LYPD6: variants seen among roughly 807,000 people sequenced by gnomAD.
LYPD6 encodes ly6/PLAUR domain-containing protein 6.
LYPD6 carries 15 observed loss-of-function variants against 22.7 expected under a neutral mutation model. The ratio of observed to expected loss-of-function variants is 0.66; its 90% CI spans 0.44 to 1.02. LYPD6 has a LOEUF of 1.02. Ranked by LOEUF, LYPD6 falls within the 50% of genes least tolerant of loss-of-function variation. The pLI is 0.00. For missense variants in LYPD6, 189 were observed against 208.4 expected, an observed-to-expected ratio of 0.91 and a Z score of 0.57; for synonymous variants, 72 against 77.5, an observed-to-expected ratio of 0.93 and a Z score of 0.37.
At chr2:149,423,688 A>G (rs1398137058) in intron 1 of LYPD6, among the ~76,000 whole-genome samples, 2 of 147,850 alleles carry the variant, frequency 1.4e-5, no homozygotes, top group African/African-American at 5.0e-5. Flanking sequence ...CACTTTGAAT[A>G]GGACATTGGT....
Position 149,340,651 on chromosome 2 carries a change from T to G in LYPD6, c.-72+9929T>G, listed in dbSNP as rs1573727940. The stretch of plus-strand genomic sequence containing the variant: ...CCCACTGGGCATCATTTGCTTCAGC[T>G]GTACAAATCAAAAGGCTTTACTAAA... On this transcript the variant is annotated intron_variant, in intron 1 of 4. Coordinates refer to ENST00000334166, the MANE Select transcript of LYPD6 (RefSeq NM_194317.5). 2.0e-5 allele frequency among the ~76,000 whole-genome samples: 3 copies of G among 152,196 alleles called. No individual in the cohort carries two copies. The South Asian group carries it at 6.2e-4, about 31-fold the overall frequency.
chr2:149,470,622 A>T, intron 4 of LYPD6, 61 bp from the exon 5 acceptor site: 1 of 1,521,596 alleles, frequency 6.6e-7, no homozygotes, highest in East Asian at 2.3e-5. Flanking sequence ...GCCTTCAAAA[A>T]CCCTGCCTCC....
intron 4 of LYPD6, among the ~76,000 whole-genome samples, chr2:149,470,438 G>T (rs1681306606): frequency 6.6e-6 from 1 of 152,170 alleles, no homozygotes; most frequent in South Asian, 2.1e-4. Context: ...AATCGTATGG[G>T]TGGAGGGTGT....
chr2:149,392,481 A>G (rs1375947800), intron 1 of LYPD6, among the ~76,000 whole-genome samples: 3 of 152,200 alleles, frequency 2.0e-5, no homozygotes, highest in Non-Finnish European at 4.4e-5. Flanking sequence ...AATGCTTGGC[A>G]TAACTCAGCT....
chr2:149,428,763 A>G (rs1683240447), intron 1 of LYPD6, among the ~76,000 whole-genome samples: 1 of 152,222 alleles, frequency 6.6e-6, no homozygotes, highest in Non-Finnish European at 1.5e-5. Flanking sequence ...ATGCATTGCG[A>G]ATGCCCCCTA....
Position 149,409,970 on chromosome 2 carries a change from G to A in LYPD6, c.-71-27668G>A, listed in dbSNP as rs566309604. Among the ~76,000 whole-genome samples, 33 of 152,302 alleles carry A rather than the reference G, an allele frequency of 2.2e-4. 1 individual carries two copies. The South Asian group carries it at 6.6e-3, about 31-fold the overall frequency. ...CTCTCAGCTTTCCTGGTGTGTTCCT[G>A]TGGTAGTTCTTGGAGCAAAAGGTCA... is the stretch of plus-strand genomic sequence containing the variant. On this transcript the variant is annotated intron_variant, in intron 1 of 4. Coordinates refer to ENST00000334166, the MANE Select transcript of LYPD6 (RefSeq NM_194317.5).
intron 3 of LYPD6, among the ~76,000 whole-genome samples, chr2:149,458,482 A>G (rs1207715566): frequency 2.0e-5 from 3 of 152,178 alleles, no homozygotes; most frequent in African/African-American, 7.2e-5. Flanking sequence ...ACTCTCAAAC[A>G]GGGAGTATAA....
chr2:149,382,884 T>A (rs867956975), intron 1 of LYPD6, among the ~76,000 whole-genome samples: 2 of 152,048 alleles, frequency 1.3e-5, no homozygotes, highest in African/African-American at 2.4e-5. Flanking sequence ...GTACTTCACA[T>A]ATGGTTTTGC....
At chr2:149,425,303 CTTTTA>C (rs1176851357) in intron 1 of LYPD6, among the ~76,000 whole-genome samples, 3 of 152,136 alleles carry the variant, frequency 2.0e-5, no homozygotes, top group Admixed American at 6.5e-5. Context: ...TTTATGGGGA[CTTTTA>C]TTTTAAGAAT....
At chr2:149,441,465 T>C (rs141736742) in intron 2 of LYPD6, among the ~76,000 whole-genome samples, 2 of 152,296 alleles carry the variant, frequency 1.3e-5, no homozygotes, top group Admixed American at 6.5e-5. Context: ...TGGGGAGAGA[T>C]TGGAACACCA....
intron 2 of LYPD6, among the ~76,000 whole-genome samples, chr2:149,447,180 GC>G (rs1365031879): frequency 2.0e-5 from 3 of 152,296 alleles, no homozygotes; most frequent in Non-Finnish European, 4.4e-5. Flanking sequence ...GCAATTAAAT[GC>G]ACATCAGTAG....
chr2:149,373,722 A>G (rs967920884), intron 1 of LYPD6, among the ~76,000 whole-genome samples: 3 of 152,176 alleles, frequency 2.0e-5, no homozygotes, highest in African/African-American at 7.2e-5. Flanking sequence ...TGCTGGTAGA[A>G]GCCACACGGT....
At chr2:149,449,521 A>G (rs544910947) in intron 3 of LYPD6, among the ~76,000 whole-genome samples, 1 of 152,354 alleles carries the variant, frequency 6.6e-6, no homozygotes, top group South Asian at 2.1e-4. Context: ...TAAAGATTCC[A>G]TTGATTACAT....
intron 3 of LYPD6, among the ~76,000 whole-genome samples, chr2:149,449,586 A>G (rs1683764556): frequency 6.6e-6 from 1 of 152,222 alleles, no homozygotes; most frequent in African/African-American, 2.4e-5. Flanking sequence ...GAATGTCATC[A>G]TTGCACAAAT....
intron 1 of LYPD6, among the ~76,000 whole-genome samples, chr2:149,339,924 T>C (rs900774527): frequency 2.6e-5 from 4 of 152,224 alleles, no homozygotes; most frequent in Admixed American, 2.6e-4. Context: ...TTGAATTCTT[T>C]TAATTCAGAT....
intron 1 of LYPD6, among the ~76,000 whole-genome samples, chr2:149,361,253 A>C (rs558026039): frequency 4.5e-4 from 69 of 152,284 alleles, no homozygotes; most frequent in African/African-American, 1.6e-3. Context: ...CCTTATATAG[A>C]TTTAAGTCAG....
intron 1 of LYPD6, among the ~76,000 whole-genome samples, chr2:149,407,923 C>G (rs1376252126): frequency 6.6e-6 from 1 of 152,062 alleles, no homozygotes; most frequent in Non-Finnish European, 1.5e-5. Context: ...TGTGGATGTC[C>G]TTTCTGTTTG....
At chr2:149,433,662 G>A (rs1002241904) in intron 1 of LYPD6, among the ~76,000 whole-genome samples, 1 of 152,108 alleles carries the variant, frequency 6.6e-6, no homozygotes, top group Non-Finnish European at 1.5e-5. Context: ...CCAGTCCCTA[G>A]TTTTATGCTG....
At chr2:149,388,478 G>T (rs1216619632) in intron 1 of LYPD6, among the ~76,000 whole-genome samples, 1 of 152,170 alleles carries the variant, frequency 6.6e-6, no homozygotes, top group Non-Finnish European at 1.5e-5. Context: ...CTGCAGTGGG[G>T]TTGTCAAGAA....
Sources: gnomAD v4.1 joint callset for allele counts (sites outside exome capture counted in the v4.1 genomes callset) on GRCh38, gnomAD v4.1.1 for gene constraint, MANE v1.5 for transcripts, NCBI Gene and HGNC (gene_info 2026-07-23, HGNC 2026-07-21) for gene names.